The following PTPRT variants were observed in gnomAD, a reference collection of about 807,000 sequenced individuals.
The protein encoded by PTPRT is protein tyrosine phosphatase receptor type T, also known as receptor-type tyrosine-protein phosphatase T.
PTPRT carries 56 observed loss-of-function variants against 176.8 expected under a neutral mutation model. That is an observed-to-expected ratio of 0.32 (90% CI 0.26 to 0.40). PTPRT has a LOEUF of 0.40. PTPRT is among the 10% of genes least tolerant of loss of function. PTPRT has a pLI of 1.00. For synonymous variants in PTPRT, 783 were observed against 739.0 expected, an observed-to-expected ratio of 1.06 and a Z score of -0.96; for missense variants, 1,540 against 1,908.2, an observed-to-expected ratio of 0.81 and a Z score of 3.60.
intron 17 of PTPRT, among the ~76,000 whole-genome samples, chr20:42,158,566 G>A (rs1443345450): frequency 6.6e-6 from 1 of 152,178 alleles, no homozygotes; most frequent in Non-Finnish European, 1.5e-5. Context: ...ATCTGCAATA[G>A]GACAATGATT....
chr20:42,100,198 G>A (rs1412881775), intron 26 of PTPRT, among the ~76,000 whole-genome samples: 1 of 152,172 alleles, frequency 6.6e-6, no homozygotes, highest in Non-Finnish European at 1.5e-5. Context: ...CCCTGTCTCT[G>A]TGATAAACGC....
intron 13 of PTPRT, 29 bp downstream of exon 13, chr20:42,282,460 T>C (rs377598856): frequency 2.6e-4 from 419 of 1,601,184 alleles, no homozygotes; most frequent in Non-Finnish European, 3.1e-4. Flanking sequence ...GAAGAACAGG[T>C]GAAGACAGAC....
At chr20:43,068,504 CAAAA>C (rs3092671) in intron 1 of PTPRT, among the ~76,000 whole-genome samples, 2 of 56,524 alleles carry the variant, frequency 3.5e-5, no homozygotes, top group Non-Finnish European at 4.5e-5. Flanking sequence ...GACTCTGTCT[CAAAA>C]AAAAAAAAAA....
At chr20:42,354,577 A>G in intron 9 of PTPRT, among the ~76,000 whole-genome samples, 1 of 152,216 alleles carries the variant, frequency 6.6e-6, no homozygotes, top group East Asian at 1.9e-4. Flanking sequence ...CCTGTGTTCT[A>G]GGCCCTGCAC....
At chr20:43,144,293 C>G (rs1441961998) in intron 1 of PTPRT, among the ~76,000 whole-genome samples, 3 of 152,144 alleles carry the variant, frequency 2.0e-5, no homozygotes, top group Non-Finnish European at 4.4e-5. Flanking sequence ...CCCCATATAC[C>G]CAAACACTGC....
intron 7 of PTPRT, among the ~76,000 whole-genome samples, chr20:42,508,866 T>C (rs1015239423): frequency 6.8e-6 from 1 of 148,136 alleles, no homozygotes; most frequent in African/African-American, 2.5e-5. Flanking sequence ...TGGCTGTTTA[T>C]CCTTACACTT....
At chr20:42,761,149 C>A (rs895734862) in intron 5 of PTPRT, among the ~76,000 whole-genome samples, 2 of 152,082 alleles carry the variant, frequency 1.3e-5, no homozygotes, top group Non-Finnish European at 2.9e-5. Flanking sequence ...AATGTGAATT[C>A]TCAGGCCAGG....
intron 9 of PTPRT, among the ~76,000 whole-genome samples, chr20:42,387,715 G>A (rs975028062): frequency 6.6e-6 from 1 of 151,838 alleles, no homozygotes; most frequent in Admixed American, 6.6e-5. Context: ...TATACCTACA[G>A]ACAATTTTGG....
intron 2 of PTPRT, among the ~76,000 whole-genome samples, chr20:42,812,386 T>C (rs1270493743): frequency 6.6e-6 from 1 of 152,142 alleles, no homozygotes; most frequent in Non-Finnish European, 1.5e-5. Flanking sequence ...AAGTAATAAC[T>C]CTTCATTCTC....
chr20:42,644,392 G>A (rs1306623936), intron 7 of PTPRT, among the ~76,000 whole-genome samples: 1 of 152,130 alleles, frequency 6.6e-6, no homozygotes, highest in Non-Finnish European at 1.5e-5. Flanking sequence ...CAATTTATCA[G>A]TACAGCCTTC....
At chr20:42,174,876 TAGAA>T (rs1407815899) in intron 16 of PTPRT, among the ~76,000 whole-genome samples, 2 of 152,264 alleles carry the variant, frequency 1.3e-5, no homozygotes, top group East Asian at 1.9e-4. Context: ...AAACTGGAGA[TAGAA>T]AGAGAAAATC....
intron 15 of PTPRT, among the ~76,000 whole-genome samples, chr20:42,201,654 C>T (rs541333024): frequency 2.7e-4 from 40 of 150,618 alleles, no homozygotes; most frequent in Admixed American, 4.0e-4. Context: ...AAAGGAGGTA[C>T]CCTGAACAGA....
intron 1 of PTPRT, among the ~76,000 whole-genome samples, chr20:42,929,629 G>A (rs1488413016): frequency 6.6e-6 from 1 of 152,238 alleles, no homozygotes; most frequent in East Asian, 1.9e-4. Flanking sequence ...TAGGGAAGGA[G>A]AGATGGTGTT....
intron 7 of PTPRT, among the ~76,000 whole-genome samples, chr20:42,656,230 G>A (rs2145985109): frequency 6.6e-6 from 1 of 152,236 alleles, no homozygotes; most frequent in East Asian, 1.9e-4. Context: ...AGATAGGAAA[G>A]CCCTAAGGAA....
intron 5 of PTPRT, among the ~76,000 whole-genome samples, chr20:42,758,860 C>A (rs1194413893): frequency 6.6e-6 from 1 of 152,140 alleles, no homozygotes; most frequent in Non-Finnish European, 1.5e-5. Context: ...AAAACCAGTA[C>A]AAGGTAATGG....
At chr20:42,905,980 T>C (rs1217591454) in intron 1 of PTPRT, among the ~76,000 whole-genome samples, 1 of 152,046 alleles carries the variant, frequency 6.6e-6, no homozygotes, top group Non-Finnish European at 1.5e-5. Flanking sequence ...GATGAGTTGA[T>C]GGGTGCAGCA....
chr20:42,761,087 G>C (rs948991159), intron 5 of PTPRT, among the ~76,000 whole-genome samples: 87 of 152,096 alleles, frequency 5.7e-4, no homozygotes, highest in Non-Finnish European at 5.1e-4. Context: ...TATGGTTCTC[G>C]AACCATGGTC....
rs550780161 is a variant in PTPRT, at chr20:42,703,188, A to G, written c.860-25029T>C. On this transcript the variant is annotated intron_variant, in intron 6 of 30. Transcript: ENST00000373187. ...TCATCTGACCATGTGGGGCCAGAGA[A>G]TAAGAATGTGGAGAAAGGGAAAGAG... Among the ~76,000 whole-genome samples the G allele has an allele frequency of 2.2e-4, 33 of 152,272 alleles. 1 individual carries two copies. The South Asian group carries it at 6.4e-3, about 30-fold the overall frequency.
At chr20:42,772,743 G>A (rs2077080807) in intron 4 of PTPRT, among the ~76,000 whole-genome samples, 1 of 152,182 alleles carries the variant, frequency 6.6e-6, no homozygotes, top group South Asian at 2.1e-4. Flanking sequence ...GGTTTAACAG[G>A]AGGCTTTGGC....
Sources: allele counts gnomAD v4.1 joint callset (sites outside exome capture counted in the v4.1 genomes callset), GRCh38; gene constraint gnomAD v4.1.1; transcripts MANE v1.5; gene names NCBI Gene and HGNC (gene_info 2026-07-23, HGNC 2026-07-21).